KCNQ3: variants seen among roughly 807,000 people sequenced by gnomAD.
KCNQ3 encodes potassium voltage-gated channel subfamily Q member 3.
Under a neutral mutation model 92.5 loss-of-function variants are expected in KCNQ3, and 30 were observed. The ratio of observed to expected loss-of-function variants is 0.32; its 90% CI spans 0.24 to 0.44. The LOEUF is 0.44. Ranked by LOEUF, KCNQ3 falls within the 20% of genes least tolerant of loss-of-function variation. The probability of loss-of-function intolerance (pLI) is 1.00; values close to 1 mark genes in which losing one functional copy is unlikely to be tolerated. For synonymous variants in KCNQ3, 450 were observed against 468.8 expected (o/e 0.96, Z 0.52); for missense variants, 913 against 1,140.3 (o/e 0.80, Z 2.87).
chr8:132,438,822 T>G (rs1821459439), intron 1 of KCNQ3, among the ~76,000 whole-genome samples: 1 of 151,822 alleles, frequency 6.6e-6, no homozygotes, highest in Non-Finnish European at 1.5e-5. Flanking sequence ...CAGTCTAGGC[T>G]ACAACTCTCA....
At chr8:132,395,323 G>C (rs1820165484) in intron 1 of KCNQ3, among the ~76,000 whole-genome samples, 2 of 152,036 alleles carry the variant, frequency 1.3e-5, no homozygotes, top group South Asian at 4.1e-4. Flanking sequence ...TGTTAACTAT[G>C]GTCATCCTAC....
At chr8:132,277,069 A>AT (rs1416286484) in intron 1 of KCNQ3, among the ~76,000 whole-genome samples, 12 of 151,080 alleles carry the variant, frequency 7.9e-5, no homozygotes, top group African/African-American at 2.2e-4. Flanking sequence ...ATAAACAATA[A>AT]TTTTTAAAAA....
At position 132,128,377 on chromosome 8, in the gene KCNQ3, T is replaced by C. The variant is rs919495546; in HGVS notation, c.*885A>G. The C allele has an allele frequency of 2.0e-5, 3 of 152,228 alleles. No homozygotes were observed. The highest frequency in any genetic ancestry group is 1.3e-4 in the Admixed American group (2 of 15,286). The allele number at this position is 152,228 out of a possible 1,614,324, so 9.4% of individuals were successfully genotyped here. A position where few individuals can be genotyped will look rare whatever the true frequency, so the allele number is the denominator to read the frequency against. On this transcript the variant is annotated 3_prime_UTR_variant, in exon 15 of 15. Transcript: ENST00000388996. Reference sequence around the variant, plus strand: ...ATGGATATTTTGTACTTCAGTATCATGGGAAGAAATGAGAGTTGGAAATTC... The same window carrying C: ...ATGGATATTTTGTACTTCAGTATCACGGGAAGAAATGAGAGTTGGAAATTC...
chr8:132,437,359 C>G (rs1287582625), intron 1 of KCNQ3, among the ~76,000 whole-genome samples: 1 of 151,986 alleles, frequency 6.6e-6, no homozygotes, highest in African/African-American at 2.4e-5. Context: ...GGTTTTAGTT[C>G]TGGCATCCAC....
rs142419622 is a variant in KCNQ3, at chr8:132,389,646, C to T, written c.386+90501G>A. Among the ~76,000 whole-genome samples, 1,108 of 152,256 alleles carry T rather than the reference C, an allele frequency of 7.3e-3. 9 individuals carry two copies. The highest frequency in any genetic ancestry group is 0.027 in the Middle Eastern group (8 of 294). ...GTACTCACTTCATGAAAGAGGATAT[C>T]CACATGGCTTTTAACCAAATGAAAA... On this transcript the variant is annotated intron_variant, in intron 1 of 14. Coordinates refer to ENST00000388996, the MANE Select transcript of KCNQ3 (RefSeq NM_004519.4).
intron 1 of KCNQ3, among the ~76,000 whole-genome samples, chr8:132,231,422 A>G (rs1814642785): frequency 1.3e-5 from 2 of 152,190 alleles, no homozygotes; most frequent in African/African-American, 2.4e-5. Flanking sequence ...TATATATTGA[A>G]GCCTGAATCC....
intron 1 of KCNQ3, among the ~76,000 whole-genome samples, chr8:132,285,894 GC>G (rs1267460869): frequency 6.6e-6 from 1 of 152,146 alleles, no homozygotes; most frequent in Non-Finnish European, 1.5e-5. Flanking sequence ...CCAGCACTGG[GC>G]CCCTTGGTCA....
chr8:132,254,658 C>T (rs1815521205), intron 1 of KCNQ3, among the ~76,000 whole-genome samples: 1 of 152,124 alleles, frequency 6.6e-6, no homozygotes. Context: ...AAGGCAGGAT[C>T]ACTTGAGGTC....
intron 1 of KCNQ3, 63 bp from the exon 2 acceptor site, chr8:132,186,244 A>ACCTT: frequency 8.3e-7 from 1 of 1,204,632 alleles, no homozygotes; most frequent in Non-Finnish European, 1.2e-6. Context: ...TGAGGCTAAG[A>ACCTT]TGGGGAAAGG....
At chr8:132,272,065 C>A (rs1218830328) in intron 1 of KCNQ3, among the ~76,000 whole-genome samples, 2 of 152,196 alleles carry the variant, frequency 1.3e-5, no homozygotes, top group African/African-American at 4.8e-5. Context: ...ATGCCTTGCA[C>A]ATGTAGACTT....
Position 132,126,233 on chromosome 8 carries a change from A to G in KCNQ3, c.*3029T>C, listed in dbSNP as rs1824661845. 1 of 152,186 alleles carries G rather than the reference A, an allele frequency of 6.6e-6. No individual in the cohort carries two copies. Among genetic ancestry groups the G allele is most frequent in the Non-Finnish European group, 1.5e-5 (1 of 68,030 alleles). The allele number at this position is 152,186 out of a possible 1,614,324, so 9.4% of individuals were successfully genotyped here. ...GGGCAAGTTTCAGAACGACTAGTAT[A>G]TCTGTGGTCATGTCATCTTGGGTCA... is the stretch of plus-strand genomic sequence containing the variant. On this transcript the variant is annotated 3_prime_UTR_variant, in exon 15 of 15. Coordinates refer to ENST00000388996, the MANE Select transcript of KCNQ3 (RefSeq NM_004519.4).
At chr8:132,447,204 G>A (rs1309970003) in intron 1 of KCNQ3, 18 of 1,535,052 alleles carry the variant, frequency 1.2e-5, no homozygotes, top group South Asian at 1.1e-4. Flanking sequence ...GACTTACATC[G>A]TGGCGTGTTC....
intron 1 of KCNQ3, among the ~76,000 whole-genome samples, chr8:132,212,055 A>C (rs1813878759): frequency 6.6e-6 from 1 of 151,226 alleles, no homozygotes; most frequent in Non-Finnish European, 1.5e-5. Context: ...CTCAACCCTG[A>C]CCCCCTGGGC....
chr8:132,468,344 C>A (rs1822228122), intron 1 of KCNQ3, among the ~76,000 whole-genome samples: 1 of 152,146 alleles, frequency 6.6e-6, no homozygotes, highest in Non-Finnish European at 1.5e-5. Context: ...ATTCTCCTAG[C>A]CCAGGACTTT....
intron 1 of KCNQ3, among the ~76,000 whole-genome samples, chr8:132,331,766 G>A (rs1818238825): frequency 6.6e-6 from 1 of 152,230 alleles, no homozygotes; most frequent in Non-Finnish European, 1.5e-5. Context: ...ACCCATTGCT[G>A]CTGCAGGAGA....
intron 1 of KCNQ3, among the ~76,000 whole-genome samples, chr8:132,234,977 T>G (rs1814764730): frequency 6.6e-6 from 1 of 152,230 alleles, no homozygotes; most frequent in Non-Finnish European, 1.5e-5. Context: ...ATGAATATAT[T>G]CAAAATCATT....
In KCNQ3 at chr8:132,129,960, C is replaced by T. The variant is rs762238111; in HGVS notation, c.1921G>A (p.Asp641Asn). 1 of 1,613,984 alleles carries T rather than the reference C, an allele frequency of 6.2e-7. No individual in the cohort carries two copies. Among genetic ancestry groups the T allele is most frequent in the Non-Finnish European group, 8.5e-7 (1 of 1,180,022 alleles). Reference protein sequence around the residue: ...DMGKKLDFLVDMHMQHMERLQ... With the variant: ...DMGKKLDFLVNMHMQHMERLQ... ...CGTTCCATGTGTTGCATGTGCATAT[C>T]CACGAGGAAGTCCAGCTTCTTCCCC... is the stretch of plus-strand genomic sequence containing the variant. Residue 641 changes from aspartate (D) to asparagine (N), a missense_variant, in exon 15 of 15, where the codon GAT (aspartate) becomes AAT (asparagine). By Grantham distance (23) the Asp-to-Asn change is conservative. Transcript: ENST00000388996. The surrounding 1 kb of genome is among the most constrained non-coding windows in gnomAD (Gnocchi z 5.9).
intron 1 of KCNQ3, among the ~76,000 whole-genome samples, chr8:132,327,979 C>G (rs1000316651): frequency 6.6e-6 from 1 of 152,082 alleles, no homozygotes; most frequent in Non-Finnish European, 1.5e-5. Flanking sequence ...AATCTCCAGA[C>G]TCTATCCCAC....
intron 1 of KCNQ3, among the ~76,000 whole-genome samples, chr8:132,460,665 T>A (rs1822040899): frequency 6.6e-6 from 1 of 152,230 alleles, no homozygotes; most frequent in Admixed American, 6.5e-5. Context: ...TTGTTTCATT[T>A]ATTTGTAATA....
Sources: gnomAD v4.1 joint callset for allele counts (sites outside exome capture counted in the v4.1 genomes callset) on GRCh38, gnomAD v4.1.1 for gene constraint, Gnocchi (gnomAD v3.1) non-coding constraint, MANE v1.5 for transcripts, NCBI Gene and HGNC (gene_info 2026-07-23, HGNC 2026-07-21) for gene names.